The following SNTG1 variants were observed in gnomAD, a reference collection of about 807,000 sequenced individuals.
SNTG1 encodes gamma-1-syntrophin.
In SNTG1, 39 loss-of-function variants were observed where a neutral mutation model predicts 74.7. The observed-to-expected ratio is 0.52, with a 90% CI of 0.40 to 0.68. SNTG1 has a LOEUF of 0.68. Among genes scored for constraint, SNTG1 ranks in the 30% least tolerant of loss-of-function variants. The pLI is 0.00. For missense variants in SNTG1, 685 were observed against 609.5 expected (o/e 1.12, Z -1.30); for synonymous variants, 254 against 217.1 (o/e 1.17, Z -1.49).
intron 2 of SNTG1, among the ~76,000 whole-genome samples, chr8:50,309,534 G>A (rs2090028864): frequency 6.6e-6 from 1 of 152,148 alleles, no homozygotes; most frequent in Non-Finnish European, 1.5e-5. Flanking sequence ...CGAGATGAGT[G>A]GGGGATTTTG....
At chr8:49,940,853 T>C (rs1313164112) in intron 1 of SNTG1, among the ~76,000 whole-genome samples, 2 of 152,204 alleles carry the variant, frequency 1.3e-5, no homozygotes, top group African/African-American at 2.4e-5. Flanking sequence ...GGATACTGCT[T>C]ATGTGAATAC....
chr8:50,789,383 A>T (rs750013448), intron 18 of SNTG1, among the ~76,000 whole-genome samples: 3 of 151,906 alleles, frequency 2.0e-5, no homozygotes, highest in Admixed American at 6.6e-5. Context: ...ATGAGTGCCC[A>T]GTCATTTTCT....
chr8:50,102,871 G>C (rs2080198323), intron 1 of SNTG1, among the ~76,000 whole-genome samples: 1 of 147,966 alleles, frequency 6.8e-6, no homozygotes, highest in Non-Finnish European at 1.5e-5. Flanking sequence ...GATAGTTGTA[G>C]ATATGCGGCG....
intron 2 of SNTG1, among the ~76,000 whole-genome samples, chr8:50,240,778 A>G (rs2086130649): frequency 6.6e-6 from 1 of 152,214 alleles, no homozygotes; most frequent in Non-Finnish European, 1.5e-5. Context: ...ATAAGTTTAT[A>G]TAAACTAATG....
chr8:50,726,370 T>C (rs1294276507), intron 17 of SNTG1, among the ~76,000 whole-genome samples: 5 of 152,318 alleles, frequency 3.3e-5, no homozygotes, highest in Middle Eastern at 3.4e-3. Flanking sequence ...ATGATTTTCC[T>C]GGAGACTGAA....
At chr8:50,779,884 C>CT (rs1457968917) in intron 18 of SNTG1, among the ~76,000 whole-genome samples, 1 of 149,222 alleles carries the variant, frequency 6.7e-6, no homozygotes, top group Non-Finnish European at 1.5e-5. Flanking sequence ...CCCATCAATA[C>CT]CTAATTTATT....
At chr8:50,260,693 A>C (rs13282956) in intron 2 of SNTG1, among the ~76,000 whole-genome samples, 83,897 of 149,746 alleles carry the variant, frequency 0.56, 27,231 homozygotes, top group East Asian at 0.83. Flanking sequence ...ATGGAAAAAA[A>C]ACCAGACAAT....
chr8:50,517,232 G>A (rs921116185), intron 9 of SNTG1, among the ~76,000 whole-genome samples: 3 of 152,128 alleles, frequency 2.0e-5, no homozygotes, highest in African/African-American at 7.2e-5. Context: ...ATTCTTTACA[G>A]AAAAGCAATT....
chr8:50,669,403 C>A (rs1446099814), intron 15 of SNTG1, among the ~76,000 whole-genome samples: 1 of 152,060 alleles, frequency 6.6e-6, no homozygotes, highest in East Asian at 1.9e-4. Context: ...TCAGAGAATA[C>A]TACAAACAAC....
At chr8:50,027,201 G>T (rs1435655288) in intron 1 of SNTG1, among the ~76,000 whole-genome samples, 1 of 152,126 alleles carries the variant, frequency 6.6e-6, no homozygotes, top group Admixed American at 6.6e-5. Context: ...CATTTTTAGA[G>T]CAAAATGTAG....
chr8:50,097,479 T>C (rs1315691608), intron 1 of SNTG1, among the ~76,000 whole-genome samples: 2 of 152,162 alleles, frequency 1.3e-5, no homozygotes, highest in African/African-American at 2.4e-5. Context: ...TTTTCTAACT[T>C]AGTCAATTTT....
intron 17 of SNTG1, among the ~76,000 whole-genome samples, chr8:50,730,366 A>C (rs2131618399): frequency 6.6e-6 from 1 of 152,318 alleles, no homozygotes; most frequent in East Asian, 1.9e-4. Flanking sequence ...TAGTGAAAGC[A>C]CATATCTCTT....
At chr8:50,561,135 G>A (rs2094485582) in intron 12 of SNTG1, among the ~76,000 whole-genome samples, 1 of 152,086 alleles carries the variant, frequency 6.6e-6, no homozygotes, top group African/African-American at 2.4e-5. Flanking sequence ...CCCCCATGCT[G>A]TTCTCATGAT....
intron 1 of SNTG1, among the ~76,000 whole-genome samples, chr8:50,147,097 T>A (rs1267532305): frequency 6.6e-6 from 1 of 152,176 alleles, no homozygotes; most frequent in Non-Finnish European, 1.5e-5. Flanking sequence ...AGTGTTTGAA[T>A]GTGACAAGGA....
At chr8:50,342,005 A>T (rs2091331910) in intron 2 of SNTG1, among the ~76,000 whole-genome samples, 1 of 152,016 alleles carries the variant, frequency 6.6e-6, no homozygotes, top group Non-Finnish European at 1.5e-5. Flanking sequence ...GCTTTTCATC[A>T]TCATTTCATC....
intron 2 of SNTG1, among the ~76,000 whole-genome samples, chr8:50,267,250 T>G (rs2087529805): frequency 6.6e-6 from 1 of 152,254 alleles, no homozygotes; most frequent in South Asian, 2.1e-4. Flanking sequence ...AAAAGTATTT[T>G]TAAATCATAT....
intron 2 of SNTG1, among the ~76,000 whole-genome samples, chr8:50,233,513 A>C (rs2085737019): frequency 6.6e-6 from 1 of 151,780 alleles, no homozygotes; most frequent in Non-Finnish European, 1.5e-5. Flanking sequence ...GAGTTTGGTT[A>C]AGACTTCTTA....
chr8:50,616,923 A>G (rs1299717997), intron 13 of SNTG1, among the ~76,000 whole-genome samples: 10 of 152,122 alleles, frequency 6.6e-5, no homozygotes, highest in Non-Finnish European at 1.3e-4. Context: ...ACCCATCTAC[A>G]CAACAGCTGC....
intron 2 of SNTG1, among the ~76,000 whole-genome samples, chr8:50,252,504 A>G (rs1200292864): frequency 6.6e-6 from 1 of 152,200 alleles, no homozygotes; most frequent in Admixed American, 6.5e-5. Flanking sequence ...AATAAATAAA[A>G]TCAGAGATAA....
Sources: allele counts gnomAD v4.1 joint callset (sites outside exome capture counted in the v4.1 genomes callset), GRCh38; gene constraint gnomAD v4.1.1; transcripts MANE v1.5; gene names NCBI Gene and HGNC (gene_info 2026-07-23, HGNC 2026-07-21).